The following ARMC8 variants were observed in gnomAD, a reference collection of about 807,000 sequenced individuals.
ARMC8 encodes armadillo repeat containing 8, also known as armadillo repeat-containing protein 8.
ARMC8 carries 20 observed loss-of-function variants against 99.3 expected under a neutral mutation model. That is an observed-to-expected ratio of 0.20 (90% CI 0.14 to 0.29). ARMC8 has a LOEUF of 0.29. Ranked by LOEUF, ARMC8 falls within the 10% of genes least tolerant of loss-of-function variation. The pLI, the probability that ARMC8 is intolerant of heterozygous loss-of-function variation, is 1.00. For synonymous variants in ARMC8, 263 were observed against 278.3 expected, an observed-to-expected ratio of 0.95 and a Z score of 0.55; for missense variants, 569 against 809.5, an observed-to-expected ratio of 0.70 and a Z score of 3.60.
chr3:138,235,371 G>A (rs2046277620), intron 7 of ARMC8, among the ~76,000 whole-genome samples: 3 of 151,354 alleles, frequency 2.0e-5, no homozygotes, highest in Admixed American at 6.6e-5. Flanking sequence ...AATCTTTTTT[G>A]GATAGCTACC....
chr3:138,205,060 CTTTTTTTTTTTTTTT>C (rs71146118), intron 1 of ARMC8, among the ~76,000 whole-genome samples: 3 of 93,284 alleles, frequency 3.2e-5, no homozygotes, highest in Admixed American at 1.3e-4. Context: ...CTTTTCTTTT[CTTTTTTTTTTTTTTT>C]TTTTTTTTTT....
chr3:138,247,388 G>A (rs2108201244), intron 12 of ARMC8, among the ~76,000 whole-genome samples: 1 of 152,186 alleles, frequency 6.6e-6, no homozygotes, highest in South Asian at 2.1e-4. Flanking sequence ...GTTAATGAGT[G>A]GAGAGTCTCT....
At chr3:138,285,670 G>A (rs2050340129) in intron 19 of ARMC8, among the ~76,000 whole-genome samples, 1 of 152,130 alleles carries the variant, frequency 6.6e-6, no homozygotes, top group African/African-American at 2.4e-5. Context: ...AGTGATATAT[G>A]TTTGTGTGCC....
At chr3:138,243,314 C>T (rs1489473109) in intron 11 of ARMC8, among the ~76,000 whole-genome samples, 1 of 152,098 alleles carries the variant, frequency 6.6e-6, no homozygotes, top group African/African-American at 2.4e-5. Flanking sequence ...TAATACCAAA[C>T]TTGAGTAATA....
rs2043618882 is a variant in ARMC8, at chr3:138,194,804, T to C, written c.45+7205T>C. On this transcript the variant is annotated intron_variant, in intron 1 of 21. Coordinates refer to ENST00000469044, the MANE Select transcript of ARMC8 (RefSeq NM_001363941.2). ...TCTTACATCCATAACTGGCAATAAT[T>C]AGGAAAAAAAATTGCTGTGAAGTCG... 1.3e-5 allele frequency among the ~76,000 whole-genome samples: 2 copies of C among 151,910 alleles called. 1 individual carries two copies. Among genetic ancestry groups the C allele is most frequent in the South Asian group, 4.1e-4 (2 of 4,822 alleles).
In ARMC8 at chr3:138,290,557, C is replaced by T. The variant is rs375501675; in HGVS notation, c.1906C>T (p.Arg636Cys). The change falls in exon 21 of 22, where the codon CGC (arginine) becomes TGC (cysteine). Residue 636 changes from arginine (R) to cysteine (C), a missense_variant. Around this residue, in one of 2 missense-constraint regions of ARMC8, gnomAD observed 227 missense variants for 417.9 expected, o/e 0.54. Coordinates refer to ENST00000469044, the MANE Select transcript of ARMC8 (RefSeq NM_001363941.2). ...CTTTAATCGTTTAGGTTCACAAGAA[C>T]GCCAGGATAAATTACGAGACATGGG... Reference protein sequence around the residue: ...IWNEEEGSQERQDKLRDMGIV... With the variant: ...IWNEEEGSQECQDKLRDMGIV... The T allele has an allele frequency of 4.4e-6, 7 of 1,602,912 alleles. No homozygotes were observed. Among genetic ancestry groups the T allele is most frequent in the African/African-American group, 1.3e-5 (1 of 74,760 alleles).
Position 138,265,176 on chromosome 3 carries a change from G to A in ARMC8, c.1299+964G>A, listed in dbSNP as rs1313717641. 3.9e-5 allele frequency among the ~76,000 whole-genome samples: 6 copies of A among 152,072 alleles called. No homozygotes were observed. In the East Asian group the frequency reaches 9.6e-4, roughly 24 times the overall value. ...CCCAAAGTGTTGGCTAGGATTACAG[G>A]TATGAGCCACCATGCCTGACCCCTG... On this transcript the variant is annotated intron_variant, in intron 14 of 21. Transcript: ENST00000469044.
At chr3:138,223,032 T>G (rs1374939609) in intron 3 of ARMC8, among the ~76,000 whole-genome samples, 1 of 152,280 alleles carries the variant, frequency 6.6e-6, no homozygotes, top group African/African-American at 2.4e-5. Flanking sequence ...TAGTTTGAGT[T>G]TAAGATCTGG....
At chr3:138,221,837 C>CT (rs2045415399) in intron 2 of ARMC8, 89 bp from the exon 3 acceptor site, 3 of 1,031,100 alleles carry the variant, frequency 2.9e-6, no homozygotes, top group Non-Finnish European at 4.5e-6. Flanking sequence ...TTTGTCAAAT[C>CT]TAAGATATTG....
chr3:138,235,927 T>A (rs1363745076), intron 7 of ARMC8, among the ~76,000 whole-genome samples: 1 of 146,560 alleles, frequency 6.8e-6, no homozygotes, highest in African/African-American at 2.5e-5. Context: ...TGCCTCAGCC[T>A]CCCGAGTAGC....
At position 138,255,209 on chromosome 3, in the gene ARMC8, T is replaced by G. The variant is rs546023563; in HGVS notation, c.1135-8530T>G. Reference sequence around the variant, plus strand: ...CTGTTCTGTTTTTTTTTTTTTTGTTTTTTTTTTTTTTGAGATGGAGTCTCG... The same window carrying G: ...CTGTTCTGTTTTTTTTTTTTTTGTTGTTTTTTTTTTTGAGATGGAGTCTCG... On this transcript the variant is annotated intron_variant, in intron 12 of 21. Coordinates refer to ENST00000469044, the MANE Select transcript of ARMC8 (RefSeq NM_001363941.2). Among the ~76,000 whole-genome samples the G allele has an allele frequency of 9.5e-3, 1,406 of 147,246 alleles. 20 individuals carry two copies. Among genetic ancestry groups the G allele is most frequent in the East Asian group, 0.034 (173 of 5,086 alleles).
intron 1 of ARMC8, among the ~76,000 whole-genome samples, chr3:138,199,275 A>T (rs1420573519): frequency 6.6e-6 from 1 of 152,230 alleles, no homozygotes; most frequent in African/African-American, 2.4e-5. Flanking sequence ...TGGGGCTAGA[A>T]GTTTACCAGA....
intron 1 of ARMC8, among the ~76,000 whole-genome samples, chr3:138,194,620 G>A (rs2107959511): frequency 6.6e-6 from 1 of 151,336 alleles, no homozygotes; most frequent in Non-Finnish European, 1.5e-5. Context: ...TTACAGGCGT[G>A]AGCCACCGTG....
chr3:138,255,193 T>G (rs1268707293), intron 12 of ARMC8, among the ~76,000 whole-genome samples: 4 of 142,776 alleles, frequency 2.8e-5, no homozygotes, highest in East Asian at 2.0e-4. Context: ...TCTGTTCTGT[T>G]TTTTTTTTTT....
chr3:138,282,096 T>G (rs893426294), intron 18 of ARMC8, among the ~76,000 whole-genome samples: 2 of 152,192 alleles, frequency 1.3e-5, no homozygotes, highest in African/African-American at 4.8e-5. Context: ...TTCCCTAGAT[T>G]GGCCTCACCC....
chr3:138,273,821 C>CT (rs764799623), intron 17 of ARMC8, among the ~76,000 whole-genome samples: 2,572 of 145,114 alleles, frequency 0.018, 52 homozygotes, highest in African/African-American at 0.053. Context: ...ATGCTTCCCC[C>CT]TTTTTTTTTT....
chr3:138,247,038 A>T (rs192615932), intron 12 of ARMC8, among the ~76,000 whole-genome samples: 1 of 152,192 alleles, frequency 6.6e-6, no homozygotes, highest in East Asian at 1.9e-4. Flanking sequence ...TGTAAAATGG[A>T]AACTATAAAG....
intron 2 of ARMC8, among the ~76,000 whole-genome samples, chr3:138,219,256 C>G (rs991871060): frequency 1.3e-5 from 2 of 152,182 alleles, no homozygotes; most frequent in African/African-American, 2.4e-5. Context: ...TGGATGATAG[C>G]TGTGAGTTTG....
chr3:138,226,673 C>T (rs951818171), intron 5 of ARMC8, among the ~76,000 whole-genome samples: 3 of 151,790 alleles, frequency 2.0e-5, no homozygotes, highest in African/African-American at 7.3e-5. Flanking sequence ...TCTTTTTTAC[C>T]CTGGAAGTTT....
Sources: allele counts gnomAD v4.1 joint callset (sites outside exome capture counted in the v4.1 genomes callset), GRCh38; gene constraint gnomAD v4.1.1; regional missense constraint gnomAD v4.1.1; transcripts MANE v1.5; gene names NCBI Gene and HGNC (gene_info 2026-07-23, HGNC 2026-07-21).